Variants in PPM1D observed in about 807,000 individuals in gnomAD.
PPM1D encodes protein phosphatase, Mg2+/Mn2+ dependent 1D, also known as protein phosphatase 1D.
PPM1D carries 52 observed loss-of-function variants against 58.3 expected under a neutral mutation model. The observed-to-expected ratio is 0.89, with a 90% CI of 0.71 to 1.12. PPM1D has a LOEUF of 1.12. PPM1D is among the 50% of genes most tolerant of loss of function. PPM1D has a pLI of 0.00. For synonymous variants in PPM1D, 278 were observed against 285.1 expected (o/e 0.98, Z 0.25); for missense variants, 564 against 777.2 (o/e 0.73, Z 3.26).
Position 60,643,814 on chromosome 17 carries a change from C to T in PPM1D, c.827-4078C>T, listed in dbSNP as rs554061873. On this transcript the variant is annotated intron_variant, in intron 3 of 5. Coordinates refer to ENST00000305921, the MANE Select transcript of PPM1D (RefSeq NM_003620.4). The stretch of plus-strand genomic sequence containing the variant: ...CCCGTTCATGAACCCCTGTAGAGCA[C>T]GAGAACAAGAGGAAACAATCAGATG... Among the ~76,000 whole-genome samples the T allele has an allele frequency of 3.3e-4, 50 of 150,744 alleles. No individual in the cohort carries two copies. In the South Asian group the frequency reaches 8.0e-3, roughly 24 times the overall value.
chr17:60,630,199 A>G (rs1429753862), intron 2 of PPM1D, among the ~76,000 whole-genome samples: 1 of 151,114 alleles, frequency 6.6e-6, no homozygotes, highest in African/African-American at 2.5e-5. Flanking sequence ...AATTATAAAT[A>G]AATAAAATAA....
Position 60,611,462 on chromosome 17 carries a change from C to T in PPM1D, c.472+10576C>T, listed in dbSNP as rs963665946. On this transcript the variant is annotated intron_variant, in intron 1 of 5. Coordinates refer to ENST00000305921, the MANE Select transcript of PPM1D (RefSeq NM_003620.4). ...GGTTTTTTTTTGAGACAGGGTCTTGCTCTGTCACCCAGGCTGGAGTGCAGC... is the reference window on the plus strand; with the variant it reads ...GGTTTTTTTTTGAGACAGGGTCTTGTTCTGTCACCCAGGCTGGAGTGCAGC... Among the ~76,000 whole-genome samples the T allele has an allele frequency of 1.1e-4, 16 of 151,828 alleles. No homozygotes were observed. The South Asian group carries it at 3.1e-3, about 30-fold the overall frequency.
chr17:60,626,239 A>C (rs2030804747), intron 2 of PPM1D, among the ~76,000 whole-genome samples: 1 of 152,108 alleles, frequency 6.6e-6, no homozygotes, highest in African/African-American at 2.4e-5. Flanking sequence ...GTATGTTTTG[A>C]ATATTGATAA....
In PPM1D at chr17:60,600,636, G is replaced by A; in HGVS notation, c.222G>A (p.Glu74=). The A allele has an allele frequency of 6.4e-7, 1 of 1,557,138 alleles. No homozygotes were observed. The highest frequency in any genetic ancestry group is 8.7e-7 in the Non-Finnish European group (1 of 1,154,170). ...SGKGPAVAAR[E]ARDPLPDAGA... is the part of the protein sequence containing the mutation. ...AAGGCCCAGCGGTGGCAGCCCGAGA[G>A]GCTCGCGACCCTCTCCCGGACGCCG... The change falls in exon 1 of 6, where the codon GAG becomes GAA. Residue 74 remains glutamate, a synonymous_variant. Transcript: ENST00000305921.
chr17:60,623,760 G>A lies in PPM1D; in HGVS notation c.701+11G>A, dbSNP rs749842038. Reference sequence around the variant, plus strand: ...AGGACTTGGTGGGAGGTAACATTCTGTCGTTTTCTCTTTCCTCTTTTGGTT... The same window carrying A: ...AGGACTTGGTGGGAGGTAACATTCTATCGTTTTCTCTTTCCTCTTTTGGTT... On this transcript the variant is annotated intron_variant, in intron 2 of 5. Coordinates refer to ENST00000305921, the MANE Select transcript of PPM1D (RefSeq NM_003620.4). The A allele has an allele frequency of 5.0e-6, 8 of 1,612,218 alleles. No homozygotes were observed. The East Asian group carries it at 1.8e-4, about 36-fold the overall frequency.
At chr17:60,641,350 A>G (rs1389272584) in intron 3 of PPM1D, among the ~76,000 whole-genome samples, 1 of 152,172 alleles carries the variant, frequency 6.6e-6, no homozygotes, top group Non-Finnish European at 1.5e-5. Context: ...ATGATTACTA[A>G]TGTGGAGCTT....
chr17:60,628,981 C>T (rs565703896), intron 2 of PPM1D, among the ~76,000 whole-genome samples: 9 of 152,200 alleles, frequency 5.9e-5, no homozygotes, highest in Non-Finnish European at 1.2e-4. Flanking sequence ...TAGATGGCTA[C>T]TAGTAGCCAC....
At chr17:60,622,840 T>A (rs1332890706) in intron 1 of PPM1D, among the ~76,000 whole-genome samples, 1 of 152,238 alleles carries the variant, frequency 6.6e-6, no homozygotes, top group Non-Finnish European at 1.5e-5. Flanking sequence ...CTCATGCCCA[T>A]GATCCCAGCA....
Position 60,600,235 on chromosome 17 carries a change from C to G in PPM1D, c.-180C>G. On this transcript the variant is annotated 5_prime_UTR_variant, in exon 1 of 6. Transcript: ENST00000305921. ...GCCTGGCTCTGCTCGCTCCGGCGCT[C>G]CGGCCCAGCTCTCGCGGACAAGTCC... 5 of 1,275,904 alleles carry G rather than the reference C, an allele frequency of 3.9e-6. No individual in the cohort carries two copies. The highest frequency in any genetic ancestry group is 4.2e-6 in the Non-Finnish European group (4 of 960,614). 79.0% of individuals were successfully genotyped at this position (1,275,904 alleles called of 1,614,324 possible).
rs952896125 is a variant in PPM1D, at chr17:60,648,758, CT to C, written c.1017+693del. On this transcript the variant is annotated intron_variant, in intron 4 of 5. Transcript: ENST00000305921. ...AGTTGTACAACCATCACCACTACTA[CT>C]TTTTTTTTTTTTTTTTCTGACTGTC... Among the ~76,000 whole-genome samples the C allele has an allele frequency of 2.0e-3, 275 of 134,364 alleles. 1 individual carries two copies. The highest frequency in any genetic ancestry group is 5.0e-3 in the South Asian group (21 of 4,222). The allele number at this position is 134,364 out of a possible 152,430, so 88.1% of individuals were successfully genotyped here. A position where few individuals can be genotyped will look rare whatever the true frequency, so the allele number is the denominator to read the frequency against.
At position 60,656,676 on chromosome 17, in the gene PPM1D, A is replaced by C; in HGVS notation, c.1095A>C (p.Ala365=). 6.2e-7 allele frequency: 1 copy of C among 1,614,236 alleles called. No individual in the cohort carries two copies. Among genetic ancestry groups the C allele is most frequent in the Non-Finnish European group, 8.5e-7 (1 of 1,180,034 alleles). The change falls in exon 5 of 6, where the codon GCA becomes GCC. Residue 365 remains alanine, a synonymous_variant. Coordinates refer to ENST00000305921, the MANE Select transcript of PPM1D (RefSeq NM_003620.4). The part of the protein sequence containing the change: ...LGRWRQRMLR[A]DNTSAIVICI... The stretch of plus-strand genomic sequence containing the variant: ...GCTGGAGGCAGCGTATGCTCCGAGC[A>C]GATAACACTAGTGCCATAGTAATCT...
intron 4 of PPM1D, among the ~76,000 whole-genome samples, chr17:60,655,402 G>A (rs1278954760): frequency 6.6e-6 from 1 of 152,234 alleles, no homozygotes; most frequent in Non-Finnish European, 1.5e-5. Flanking sequence ...AGGCGGGAGT[G>A]CAGTGGCGTG....
In PPM1D at chr17:60,656,579, C is replaced by G; in HGVS notation, c.1018-20C>G. 1 of 1,610,000 alleles carries G rather than the reference C, an allele frequency of 6.2e-7. No homozygotes were observed. Among genetic ancestry groups the G allele is most frequent in the Non-Finnish European group, 8.5e-7 (1 of 1,176,880 alleles). On this transcript the variant is annotated intron_variant, in intron 4 of 5. Coordinates refer to ENST00000305921, the MANE Select transcript of PPM1D (RefSeq NM_003620.4). ...GCTAAATCTGAGTTACTTTCCTTCT[C>G]CTTGTTCTTTTGAATACAGGGTGAG...
chr17:60,638,431 C>A (rs1371685677), intron 3 of PPM1D, among the ~76,000 whole-genome samples: 1 of 151,836 alleles, frequency 6.6e-6, no homozygotes, highest in Non-Finnish European at 1.5e-5. Flanking sequence ...TGCAGTGGCA[C>A]GATCTCAGCT....
At position 60,600,373 on chromosome 17, in the gene PPM1D, C is replaced by A; in HGVS notation, c.-42C>A. 1 of 1,537,510 alleles carries A rather than the reference C, an allele frequency of 6.5e-7. No homozygotes were observed. The highest frequency in any genetic ancestry group is 1.2e-5 in the South Asian group (1 of 83,674). ...CTAGTGTGTCTCCCGCCGCCGGATT[C>A]GGCGGGCTGCGTGGGACCGGCGGGA... On this transcript the variant is annotated 5_prime_UTR_variant, in exon 1 of 6. Transcript: ENST00000305921.
intron 1 of PPM1D, among the ~76,000 whole-genome samples, chr17:60,613,251 A>G (rs2030497845): frequency 6.6e-6 from 1 of 152,212 alleles, no homozygotes; most frequent in Admixed American, 6.5e-5. Context: ...AAATTCTCAA[A>G]ACTGAATTAT....
chr17:60,644,203 A>G (rs2031193255), intron 3 of PPM1D, among the ~76,000 whole-genome samples: 1 of 151,702 alleles, frequency 6.6e-6, no homozygotes, highest in South Asian at 2.1e-4. Flanking sequence ...AACTCTTCAC[A>G]GTTGTCAATA....
chr17:60,614,578 TG>T (rs1434037039), intron 1 of PPM1D, among the ~76,000 whole-genome samples: 1 of 151,956 alleles, frequency 6.6e-6, no homozygotes, highest in African/African-American at 2.4e-5. Flanking sequence ...GGCAACACGG[TG>T]GGGTGGCTTC....
intron 3 of PPM1D, among the ~76,000 whole-genome samples, chr17:60,644,370 A>C (rs921810225): frequency 2.0e-5 from 3 of 152,124 alleles, no homozygotes; most frequent in Non-Finnish European, 4.4e-5. Context: ...TCCCAGGCTC[A>C]AGCAATCCTC....
Sources: allele counts gnomAD v4.1 joint callset (sites outside exome capture counted in the v4.1 genomes callset), GRCh38; gene constraint gnomAD v4.1.1; transcripts MANE v1.5; gene names NCBI Gene and HGNC (gene_info 2026-07-23, HGNC 2026-07-21).